The following C10orf90 variants were observed in gnomAD, a reference collection of about 807,000 sequenced individuals.
C10orf90 encodes chromosome 10 open reading frame 90, also known as (E2-independent) E3 ubiquitin-conjugating enzyme FATS.
Under a neutral mutation model 62.5 loss-of-function variants are expected in C10orf90, and 56 were observed. The observed-to-expected ratio is 0.90, with a 90% CI of 0.72 to 1.12. C10orf90 has a LOEUF of 1.12. Ranked by LOEUF, C10orf90 falls within the 50% of genes most tolerant of loss-of-function variation. The pLI, the probability that C10orf90 is intolerant of heterozygous loss-of-function variation, is 0.00. For missense variants in C10orf90, 970 were observed against 880.4 expected, an observed-to-expected ratio of 1.10 and a Z score of -1.29; for synonymous variants, 386 against 340.4, an observed-to-expected ratio of 1.13 and a Z score of -1.47.
intron 7 of C10orf90, among the ~76,000 whole-genome samples, chr10:126,458,396 T>A (rs1442500395): frequency 6.6e-6 from 1 of 152,182 alleles, no homozygotes; most frequent in Non-Finnish European, 1.5e-5. Flanking sequence ...ATGTCCCCCA[T>A]CCTTACCCTC....
intron 9 of C10orf90, 32 bp from the exon 10 acceptor site, chr10:126,425,934 T>C (rs772267163): frequency 5.6e-6 from 9 of 1,613,926 alleles, no homozygotes; most frequent in Non-Finnish European, 6.8e-6. Context: ...GATGTCAAGT[T>C]GAGATTCGGC....
At chr10:126,461,361 C>T (rs1379277038) in intron 6 of C10orf90, 40 bp downstream of exon 6, 2 of 1,605,730 alleles carry the variant, frequency 1.2e-6, no homozygotes, top group South Asian at 1.1e-5. Context: ...AAATCTCTCC[C>T]TTTGGCAGGA....
intron 4 of C10orf90, among the ~76,000 whole-genome samples, chr10:126,489,998 TATATA>T (rs2133831908): frequency 2.2e-5 from 2 of 88,956 alleles, no homozygotes; most frequent in East Asian, 6.3e-4. Flanking sequence ...TAATATATAT[TATATA>T]TTATATATAT....
At chr10:126,475,639 T>TA (rs112222818) in intron 4 of C10orf90, among the ~76,000 whole-genome samples, 25,343 of 152,172 alleles carry the variant, frequency 0.17, 2,141 homozygotes, top group African/African-American at 0.22. Context: ...ACTTAATAAC[T>TA]TAATTAAGTT....
At chr10:126,579,275 C>CTTTCT (rs1844694657) in intron 2 of C10orf90, among the ~76,000 whole-genome samples, 2 of 124,594 alleles carry the variant, frequency 1.6e-5, no homozygotes, top group African/African-American at 7.3e-5. Flanking sequence ...TTCTTTCTTT[C>CTTTCT]TTTTTTTTTT....
intron 5 of C10orf90, among the ~76,000 whole-genome samples, chr10:126,464,195 G>A (rs1187868563): frequency 1.3e-5 from 2 of 152,116 alleles, no homozygotes; most frequent in Admixed American, 6.6e-5. Context: ...CTAATTCTTG[G>A]TTTCTTCCTC....
At chr10:126,656,350 C>T (rs1160872000) in intron 1 of C10orf90, among the ~76,000 whole-genome samples, 1 of 152,164 alleles carries the variant, frequency 6.6e-6, no homozygotes, top group Non-Finnish European at 1.5e-5. Context: ...ACACAGCTTA[C>T]TCAAGCCTCA....
intron 2 of C10orf90, among the ~76,000 whole-genome samples, chr10:126,646,086 G>C (rs1276869593): frequency 1.3e-5 from 2 of 152,130 alleles, no homozygotes; most frequent in Non-Finnish European, 2.9e-5. Flanking sequence ...CATCATTTAT[G>C]TTAACAAACT....
In C10orf90 at chr10:126,443,519, A is replaced by G. The variant is rs181129890; in HGVS notation, c.2189-13669T>C. 5.8e-4 allele frequency among the ~76,000 whole-genome samples: 87 copies of G among 151,294 alleles called. 3 individuals carry two copies. The highest frequency in any genetic ancestry group is 5.7e-3 in the Admixed American group (87 of 15,242). ...TAACAAGCAGCAAGATTGAAACGGT[A>G]ATTTAAAAATTACCAACACAGAAAG... On this transcript the variant is annotated intron_variant, in intron 7 of 9. Transcript: ENST00000488181.
At chr10:126,544,259 T>C (rs566166172) in intron 2 of C10orf90, among the ~76,000 whole-genome samples, 103 of 152,290 alleles carry the variant, frequency 6.8e-4, no homozygotes, top group African/African-American at 2.4e-3. Context: ...CTGCATCTGC[T>C]CATAGACCAT....
At chr10:126,663,103 G>C (rs1183107964) in intron 1 of C10orf90, among the ~76,000 whole-genome samples, 2 of 152,190 alleles carry the variant, frequency 1.3e-5, no homozygotes, top group Non-Finnish European at 1.5e-5. Flanking sequence ...AGAGGACCTA[G>C]AGTGGCAAAA....
intron 2 of C10orf90, among the ~76,000 whole-genome samples, chr10:126,640,360 C>A (rs889863547): frequency 6.6e-6 from 1 of 152,238 alleles, no homozygotes; most frequent in African/African-American, 2.4e-5. Flanking sequence ...CTGATTCCCA[C>A]CCTGCTCCGC....
intron 3 of C10orf90, among the ~76,000 whole-genome samples, chr10:126,506,088 G>A (rs1364307927): frequency 6.6e-6 from 1 of 152,228 alleles, no homozygotes. Flanking sequence ...CAAGGCACAT[G>A]TAGCTTTGCT....
intron 4 of C10orf90, chr10:126,469,893 C>G (rs1348076785): frequency 2.2e-6 from 1 of 456,642 alleles, no homozygotes; most frequent in Admixed American, 2.3e-5. Flanking sequence ...TTTGCTGTCT[C>G]CTTTTGGCAA....
chr10:126,557,679 T>C (rs1449003459), intron 2 of C10orf90, among the ~76,000 whole-genome samples: 1 of 152,178 alleles, frequency 6.6e-6, no homozygotes, highest in African/African-American at 2.4e-5. Context: ...GTTCATACCC[T>C]GCTGGAATTC....
intron 4 of C10orf90, among the ~76,000 whole-genome samples, chr10:126,484,711 T>C (rs1411691428): frequency 6.6e-6 from 1 of 152,088 alleles, no homozygotes; most frequent in East Asian, 1.9e-4. Flanking sequence ...CAATTCCTCT[T>C]CCAGGAATAT....
chr10:126,490,272 A>G (rs1297827174), intron 4 of C10orf90, among the ~76,000 whole-genome samples: 1 of 151,144 alleles, frequency 6.6e-6, no homozygotes, highest in Non-Finnish European at 1.5e-5. Flanking sequence ...AGCCAATCAC[A>G]AAAGAACAGA....
intron 2 of C10orf90, among the ~76,000 whole-genome samples, chr10:126,577,553 T>C (rs1015310362): frequency 6.6e-6 from 1 of 152,074 alleles, no homozygotes; most frequent in East Asian, 1.9e-4. Flanking sequence ...ATATACCATG[T>C]TCATGGATTA....
rs1383263548 is a variant in C10orf90, at chr10:126,504,574, A to G, written c.917T>C (p.Val306Ala). Residue 306 changes from valine to alanine, a missense_variant, in exon 4 of 10, where the codon GTT (valine) becomes GCT (alanine). Coordinates refer to ENST00000488181, the MANE Select transcript of C10orf90 (RefSeq NM_001350921.2). This position sits in a 1 kb window ranked among gnomAD's most constrained non-coding sequence, Gnocchi z 4.1. ...SRNSSVVRLK[V>A]PEAHTGLCER... ...ACACAACCCAGTGTGGGCCTCGGGA[A>G]CCTTCAGCCGCACCACGGAGCTGTT... The G allele has an allele frequency of 7.4e-6, 12 of 1,614,066 alleles. No homozygotes were observed. The highest frequency in any genetic ancestry group is 9.3e-6 in the Non-Finnish European group (11 of 1,180,000).
Sources: gnomAD v4.1 joint callset for allele counts (sites outside exome capture counted in the v4.1 genomes callset) on GRCh38, gnomAD v4.1.1 for gene constraint, Gnocchi (gnomAD v3.1) non-coding constraint, MANE v1.5 for transcripts, NCBI Gene and HGNC (gene_info 2026-07-23, HGNC 2026-07-21) for gene names.